EYA4: variants seen among roughly 807,000 people sequenced by gnomAD.
EYA4 encodes the protein EYA transcriptional coactivator and phosphatase 4.
EYA4 carries 31 observed loss-of-function variants against 87.9 expected under a neutral mutation model. The observed-to-expected ratio is 0.35, with a 90% CI of 0.27 to 0.48. The LOEUF (loss-of-function observed/expected upper bound fraction) is 0.48. EYA4 is among the 20% of genes least tolerant of loss of function. The probability of loss-of-function intolerance (pLI) is 0.99; values close to 1 mark genes in which losing one functional copy is unlikely to be tolerated. For missense variants in EYA4, 678 were observed against 761.4 expected (o/e 0.89, Z 1.29); for synonymous variants, 263 against 270.6 (o/e 0.97, Z 0.28).
intron 2 of EYA4, among the ~76,000 whole-genome samples, chr6:133,300,690 A>G (rs1779337981): frequency 6.6e-6 from 1 of 151,906 alleles, no homozygotes; most frequent in Admixed American, 6.6e-5. Context: ...AATTTTTCGT[A>G]TTTTAGTAGA....
chr6:133,453,289 G>A (rs1286731312), intron 5 of EYA4, among the ~76,000 whole-genome samples: 1 of 151,910 alleles, frequency 6.6e-6, no homozygotes, highest in Non-Finnish European at 1.5e-5. Flanking sequence ...AATTTAAAGT[G>A]CAGAAACAAA....
chr6:133,405,669 G>A (rs981793684), intron 3 of EYA4, among the ~76,000 whole-genome samples: 3 of 152,084 alleles, frequency 2.0e-5, no homozygotes, highest in Non-Finnish European at 4.4e-5. Context: ...TTTCTCCTTT[G>A]GGGTTTACAT....
intron 2 of EYA4, among the ~76,000 whole-genome samples, chr6:133,369,216 A>C (rs950774062): frequency 6.6e-6 from 1 of 152,172 alleles, no homozygotes; most frequent in African/African-American, 2.4e-5. Context: ...TTCATAAGCT[A>C]TTAGAATAAA....
Position 133,523,180 on chromosome 6 carries a change from A to T in EYA4, c.1738+3A>T. On this transcript the variant is annotated splice_donor_region_variant and intron_variant, in intron 18 of 19. Coordinates refer to ENST00000355286, the MANE Select transcript of EYA4 (RefSeq NM_004100.5). ...TATTTACAGTGCAACTAAAATAGGTAAGGAAATTATTTTAAACTCTGTATG... is the reference window on the plus strand; with the variant it reads ...TATTTACAGTGCAACTAAAATAGGTTAGGAAATTATTTTAAACTCTGTATG... 1 of 1,611,708 alleles carries T rather than the reference A, an allele frequency of 6.2e-7. No homozygotes were observed. Among genetic ancestry groups the T allele is most frequent in the Non-Finnish European group, 8.5e-7 (1 of 1,178,170 alleles).
At chr6:133,259,348 CGTTGA>C (rs1775607427) in intron 1 of EYA4, among the ~76,000 whole-genome samples, 1 of 152,296 alleles carries the variant, frequency 6.6e-6, no homozygotes, top group African/African-American at 2.4e-5. Context: ...GGAAGCATAA[CGTTGA>C]GTTGACTCAA....
chr6:133,324,794 G>T (rs1260450416), intron 2 of EYA4, among the ~76,000 whole-genome samples: 2 of 151,220 alleles, frequency 1.3e-5, no homozygotes. Flanking sequence ...TTAAAAGAAA[G>T]CTTTTCATTG....
chr6:133,362,302 A>G (rs1784505797), intron 2 of EYA4, among the ~76,000 whole-genome samples: 1 of 152,124 alleles, frequency 6.6e-6, no homozygotes, highest in African/African-American at 2.4e-5. Flanking sequence ...GAAAGAGAAA[A>G]GCTCCCATAG....
intron 3 of EYA4, among the ~76,000 whole-genome samples, chr6:133,417,621 A>G (rs1789839829): frequency 1.3e-5 from 2 of 152,214 alleles, no homozygotes; most frequent in African/African-American, 4.8e-5. Flanking sequence ...CAACCCTCAT[A>G]CATATACCTA....
intron 17 of EYA4, among the ~76,000 whole-genome samples, chr6:133,517,280 T>C (rs1024433722): frequency 1.3e-5 from 2 of 151,538 alleles, no homozygotes; most frequent in African/African-American, 4.9e-5. Context: ...GGTATTAGGC[T>C]TAATACCTGG....
Position 133,528,826 on chromosome 6 carries a change from T to C in EYA4, c.*21T>C. The stretch of plus-strand genomic sequence containing the variant: ...TGTAACTGTGTTCTTTAGCCGGAGA[T>C]CCATTTTTTATATTTCAAGTACACT... On this transcript the variant is annotated 3_prime_UTR_variant, in exon 20 of 20. Transcript: ENST00000355286. 6.2e-7 allele frequency: 1 copy of C among 1,613,008 alleles called. No homozygotes were observed. Among genetic ancestry groups the C allele is most frequent in the South Asian group, 1.1e-5 (1 of 91,062 alleles).
At chr6:133,273,251 G>A (rs753961744) in intron 1 of EYA4, among the ~76,000 whole-genome samples, 1 of 151,992 alleles carries the variant, frequency 6.6e-6, no homozygotes, top group Non-Finnish European at 1.5e-5. Context: ...GAGGGCAGGA[G>A]GCATCTAGCA....
rs1212142790 is a variant in EYA4 at position 133,481,556 on chromosome 6, G to T, written c.1064G>T (p.Gly355Val). The change falls in exon 12 of 20, where the codon GGC becomes GTC. Residue 355 changes from glycine (G) to valine (V), a missense_variant. Gly to Val is a moderately radical substitution (Grantham distance 109, BLOSUM62 -3). Transcript: ENST00000355286. ...RSSGSKSRGR[G>V]RKNNPSPPPD... is the part of the protein sequence containing the mutation. Reference sequence around the variant, plus strand: ...TCTGGGTCAAAGTCCAGAGGAAGAGGCCGGAAAAATAATCCCTCCCCGCCT... The same window carrying T: ...TCTGGGTCAAAGTCCAGAGGAAGAGTCCGGAAAAATAATCCCTCCCCGCCT... The T allele has an allele frequency of 6.2e-7, 1 of 1,613,996 alleles. No homozygotes were observed. Among genetic ancestry groups the T allele is most frequent in the Admixed American group, 1.7e-5 (1 of 60,000 alleles).
At chr6:133,265,620 A>G (rs771460770) in intron 1 of EYA4, among the ~76,000 whole-genome samples, 1 of 152,210 alleles carries the variant, frequency 6.6e-6, no homozygotes, top group Non-Finnish European at 1.5e-5. Flanking sequence ...GTTCAATAAT[A>G]TAAAATCACT....
rs1800870942 is a variant in EYA4, at chr6:133,529,378, G to C, written c.*573G>C. The stretch of plus-strand genomic sequence containing the variant: ...ATTTTTCTTTCTTTTGTTGGGGAGG[G>C]GAATGGGAGGGGAAATGGGAATATA... On this transcript the variant is annotated 3_prime_UTR_variant, in exon 20 of 20. Coordinates refer to ENST00000355286, the MANE Select transcript of EYA4 (RefSeq NM_004100.5). 2 of 994,238 alleles carry C rather than the reference G, an allele frequency of 2.0e-6. No individual in the cohort carries two copies. Among genetic ancestry groups the C allele is most frequent in the African/African-American group, 3.5e-5 (2 of 57,204 alleles). The allele number at this position is 994,238 out of a possible 1,614,324, so 61.6% of individuals were successfully genotyped here.
chr6:133,277,919 A>G (rs1053889701), intron 2 of EYA4, among the ~76,000 whole-genome samples: 1 of 152,020 alleles, frequency 6.6e-6, no homozygotes, highest in Non-Finnish European at 1.5e-5. Flanking sequence ...TTTAGTTGAG[A>G]TCTTTATTTT....
chr6:133,276,901 CAAA>C (rs3065337), intron 2 of EYA4, among the ~76,000 whole-genome samples: 88 of 133,698 alleles, frequency 6.6e-4, no homozygotes, highest in East Asian at 2.3e-3. Context: ...ATAGAAATGT[CAAA>C]AAAAAAAAAA....
intron 3 of EYA4, among the ~76,000 whole-genome samples, chr6:133,433,234 A>G (rs569674510): frequency 5.1e-4 from 77 of 152,358 alleles, no homozygotes; most frequent in African/African-American, 1.6e-3. Context: ...AGAAGCCAAT[A>G]TAAGTTCTGT....
chr6:133,501,815 G>C (rs531932115), intron 13 of EYA4, among the ~76,000 whole-genome samples: 1 of 152,278 alleles, frequency 6.6e-6, no homozygotes, highest in South Asian at 2.1e-4. Context: ...TATTTTTACA[G>C]TGTGTCCCTA....
In EYA4 at chr6:133,446,702, A is replaced by G; in HGVS notation, c.156A>G (p.Lys52=). The G allele has an allele frequency of 6.2e-7, 1 of 1,613,988 alleles. No homozygotes were observed. The highest frequency in any genetic ancestry group is 8.5e-7 in the Non-Finnish European group (1 of 1,179,906). ...GTGGTGATACTCCAGGTAGCTCCAA[A>G]CTGGAAAAATCTAATCTCAGCAGCA... ...VGGGDTPGSS[K]LEKSNLSSTS... The change falls in exon 4 of 20, where the codon AAA becomes AAG. Residue 52 remains lysine, a synonymous_variant. Coordinates refer to ENST00000355286, the MANE Select transcript of EYA4 (RefSeq NM_004100.5).
Sources: gnomAD v4.1 joint callset for allele counts (sites outside exome capture counted in the v4.1 genomes callset) on GRCh38, gnomAD v4.1.1 for gene constraint, MANE v1.5 for transcripts, NCBI Gene and HGNC (gene_info 2026-07-23, HGNC 2026-07-21) for gene names.